KCNJ3: variants seen among roughly 807,000 people sequenced by gnomAD.
KCNJ3 encodes potassium inwardly rectifying channel subfamily J member 3.
Under a neutral mutation model 39.2 loss-of-function variants are expected in KCNJ3, and 4 were observed. The observed-to-expected ratio is 0.10, with a 90% CI of 0.05 to 0.23. The LOEUF is 0.23. KCNJ3 is among the 10% of genes least tolerant of loss of function. The pLI is 1.00. For synonymous variants in KCNJ3, 230 were observed against 237.4 expected, an observed-to-expected ratio of 0.97 and a Z score of 0.29; for missense variants, 276 against 634.9, an observed-to-expected ratio of 0.43 and a Z score of 6.08.
chr2:154,809,313 G>A (rs1303924028), intron 2 of KCNJ3, among the ~76,000 whole-genome samples: 2 of 152,062 alleles, frequency 1.3e-5, no homozygotes, highest in African/African-American at 4.8e-5. Context: ...AATGAGAGGA[G>A]GTTTTCCATT....
intron 2 of KCNJ3, among the ~76,000 whole-genome samples, chr2:154,853,999 A>C (rs1687798958): frequency 6.6e-6 from 1 of 152,214 alleles, no homozygotes; most frequent in Non-Finnish European, 1.5e-5. Context: ...CTGGCCTTAT[A>C]GATGCAAAAG....
chr2:154,786,844 G>C (rs758953349), intron 2 of KCNJ3, among the ~76,000 whole-genome samples: 15 of 152,146 alleles, frequency 9.9e-5, no homozygotes, highest in Non-Finnish European at 1.8e-4. Context: ...TCGTTGAAGA[G>C]CAAACCAAAA....
chr2:154,835,162 C>A (rs1687431760), intron 2 of KCNJ3, among the ~76,000 whole-genome samples: 1 of 151,722 alleles, frequency 6.6e-6, no homozygotes. Flanking sequence ...GTCATTACTT[C>A]ATTAAGTAGG....
intron 2 of KCNJ3, among the ~76,000 whole-genome samples, chr2:154,729,039 G>T (rs920542454): frequency 3.9e-5 from 6 of 151,948 alleles, no homozygotes; most frequent in African/African-American, 1.5e-4. Context: ...CAGCTTTGAG[G>T]ACTAACTATG....
At chr2:154,846,371 T>C (rs1020672623) in intron 2 of KCNJ3, among the ~76,000 whole-genome samples, 1 of 152,214 alleles carries the variant, frequency 6.6e-6, no homozygotes, top group Non-Finnish European at 1.5e-5. Context: ...ATTGGAACCT[T>C]AATAATCATG....
chr2:154,852,265 C>T (rs1237409926), intron 2 of KCNJ3, among the ~76,000 whole-genome samples: 1 of 152,064 alleles, frequency 6.6e-6, no homozygotes, highest in East Asian at 1.9e-4. Context: ...AACCCTGTCT[C>T]TACAAAGAAA....
At chr2:154,841,567 T>G (rs566231868) in intron 2 of KCNJ3, among the ~76,000 whole-genome samples, 2 of 152,156 alleles carry the variant, frequency 1.3e-5, no homozygotes, top group Non-Finnish European at 2.9e-5. Flanking sequence ...GGTCCTGGAC[T>G]TTTTTTGGTT....
intron 2 of KCNJ3, among the ~76,000 whole-genome samples, chr2:154,837,886 G>T (rs983907154): frequency 6.6e-6 from 1 of 152,126 alleles, no homozygotes; most frequent in Non-Finnish European, 1.5e-5. Flanking sequence ...TCCAGAATAG[G>T]TTTAAAAATG....
rs1019644836 is a variant in KCNJ3, at chr2:154,856,229, A to C, written c.*916A>C. 1.3e-5 allele frequency: 2 copies of C among 152,600 alleles called. No homozygotes were observed. The highest frequency in any genetic ancestry group is 2.9e-5 in the Non-Finnish European group (2 of 67,992). The allele number at this position is 152,600 out of a possible 1,614,324, so 9.5% of individuals were successfully genotyped here. ...ATCTGTTTTGTATATGATCTAATACAAAGATGAGCTCTGAACAAACACTGA... is the reference window on the plus strand; with the variant it reads ...ATCTGTTTTGTATATGATCTAATACCAAGATGAGCTCTGAACAAACACTGA... On this transcript the variant is annotated 3_prime_UTR_variant, in exon 3 of 3. Transcript: ENST00000295101.
intron 2 of KCNJ3, among the ~76,000 whole-genome samples, chr2:154,834,674 A>G (rs1687419298): frequency 6.6e-6 from 1 of 151,916 alleles, no homozygotes; most frequent in Non-Finnish European, 1.5e-5. Context: ...GCTTACAGTG[A>G]GCCGAGTGAG....
intron 2 of KCNJ3, among the ~76,000 whole-genome samples, chr2:154,755,299 C>T (rs2105184705): frequency 6.6e-6 from 1 of 151,892 alleles, no homozygotes; most frequent in South Asian, 2.1e-4. Context: ...ATTTGTTTAG[C>T]TTCTTGAGAT....
chr2:154,803,282 G>C (rs1275238731), intron 2 of KCNJ3, among the ~76,000 whole-genome samples: 3 of 151,806 alleles, frequency 2.0e-5, no homozygotes, highest in Admixed American at 6.6e-5. Context: ...TTTTCTCATA[G>C]ATCTAAGAAA....
At chr2:154,720,498 T>C (rs1175765830) in intron 2 of KCNJ3, among the ~76,000 whole-genome samples, 4 of 152,216 alleles carry the variant, frequency 2.6e-5, no homozygotes, top group Admixed American at 2.6e-4. Flanking sequence ...ATTTTTAATA[T>C]AATTTAAGCC....
chr2:154,817,784 C>G (rs2105107156), intron 2 of KCNJ3, among the ~76,000 whole-genome samples: 1 of 152,262 alleles, frequency 6.6e-6, no homozygotes, highest in South Asian at 2.1e-4. Flanking sequence ...TCCCATTCAT[C>G]CCCTTTAATT....
At position 154,767,093 on chromosome 2, in the gene KCNJ3, A is replaced by ATT. The variant is rs534529111; in HGVS notation, c.919+57276_919+57277dup. 3.9e-5 allele frequency among the ~76,000 whole-genome samples: 6 copies of ATT among 152,250 alleles called. No individual in the cohort carries two copies. The East Asian group carries it at 1.2e-3, about 29-fold the overall frequency. Reference sequence around the variant, plus strand: ...TTTGTCTTTTCAGTAATTTTCACTCATTTGTACCACAGGTTTCAAAAATGG... The same window carrying ATT: ...TTTGTCTTTTCAGTAATTTTCACTCATTTTTGTACCACAGGTTTCAAAAATGG... On this transcript the variant is annotated intron_variant, in intron 2 of 2. Transcript: ENST00000295101.
chr2:154,739,261 A>G lies in KCNJ3; in HGVS notation c.919+29442A>G, dbSNP rs544120561. The stretch of plus-strand genomic sequence containing the variant: ...GAACTAAGTGTTATTTTTATACGAT[A>G]ACCACTGTACCAGCTTCTGAGAAAA... On this transcript the variant is annotated intron_variant, in intron 2 of 2. Coordinates refer to ENST00000295101, the MANE Select transcript of KCNJ3 (RefSeq NM_002239.4). Among the ~76,000 whole-genome samples the G allele has an allele frequency of 3.3e-5, 5 of 152,184 alleles. No individual in the cohort carries two copies. In the East Asian group the frequency reaches 9.7e-4, roughly 29 times the overall value.
chr2:154,731,619 G>T (rs1276482351), intron 2 of KCNJ3, among the ~76,000 whole-genome samples: 1 of 151,694 alleles, frequency 6.6e-6, no homozygotes, highest in African/African-American at 2.4e-5. Flanking sequence ...GTTTATAAAT[G>T]TAAGGATGGT....
At chr2:154,832,252 T>TTTAA (rs1259444817) in intron 2 of KCNJ3, among the ~76,000 whole-genome samples, 1 of 152,066 alleles carries the variant, frequency 6.6e-6, no homozygotes, top group Admixed American at 6.6e-5. Context: ...TGGGTTTCAA[T>TTTAA]TTAATTAAAA....
At chr2:154,742,465 G>A (rs990747944) in intron 2 of KCNJ3, among the ~76,000 whole-genome samples, 4 of 151,744 alleles carry the variant, frequency 2.6e-5, no homozygotes, top group African/African-American at 2.4e-5. Flanking sequence ...GTCCTCCACA[G>A]CAGCTATGCC....
Sources: gnomAD v4.1 joint callset for allele counts (sites outside exome capture counted in the v4.1 genomes callset) on GRCh38, gnomAD v4.1.1 for gene constraint, MANE v1.5 for transcripts, NCBI Gene and HGNC (gene_info 2026-07-23, HGNC 2026-07-21) for gene names.